The following MBP variants were observed in gnomAD, a reference collection of about 807,000 sequenced individuals.
The protein encoded by MBP is Golli-MBP.
MBP carries 16 observed loss-of-function variants against 35.8 expected under a neutral mutation model. The ratio of observed to expected loss-of-function variants is 0.45; its 90% CI spans 0.30 to 0.68. MBP has a LOEUF of 0.68. Ranked by LOEUF, MBP falls within the 30% of genes least tolerant of loss-of-function variation. The pLI, the probability that MBP is intolerant of heterozygous loss-of-function variation, is 0.08. For synonymous variants in MBP, 143 were observed against 159.6 expected, an observed-to-expected ratio of 0.90 and a Z score of 0.78; for missense variants, 380 against 404.7, an observed-to-expected ratio of 0.94 and a Z score of 0.52.
In MBP at chr18:77,020,710, C is replaced by T. The variant is rs1422200720; in HGVS notation, c.140-3442G>A. Among the ~76,000 whole-genome samples the T allele has an allele frequency of 2.6e-5, 4 of 152,200 alleles. No individual in the cohort carries two copies. Among genetic ancestry groups the T allele is most frequent in the Admixed American group, 6.5e-5 (1 of 15,278 alleles). On this transcript the variant is annotated intron_variant, in intron 3 of 8. Transcript: ENST00000355994. The surrounding 1 kb of genome is among the most constrained non-coding windows in gnomAD (Gnocchi z 4.1). The stretch of plus-strand genomic sequence containing the variant: ...AAGATTCCAGCCTTCAGAGGAAAGG[C>T]GCTGTTCTGCACAGACCATGTGGTG...
intron 1 of MBP, among the ~76,000 whole-genome samples, chr18:77,112,163 G>GCA (rs1315786375): frequency 8.2e-5 from 4 of 48,774 alleles, no homozygotes; most frequent in Non-Finnish European, 1.7e-4. Context: ...TGAACACCGT[G>GCA]CACACGCACA....
intron 3 of MBP, among the ~76,000 whole-genome samples, chr18:77,025,024 G>A (rs1972147891): frequency 6.6e-6 from 1 of 152,180 alleles, no homozygotes; most frequent in South Asian, 2.1e-4. Flanking sequence ...AGGTGCATGT[G>A]TGCATTCTCG....
chr18:77,022,346 C>T (rs1425702155), intron 3 of MBP, among the ~76,000 whole-genome samples: 1 of 152,212 alleles, frequency 6.6e-6, no homozygotes, highest in African/African-American at 2.4e-5. Context: ...AGGTCACCTG[C>T]TCCAGGACAA....
At chr18:77,129,868 AAAAAAC>A (rs1464032511) in intron 1 of MBP, among the ~76,000 whole-genome samples, 1 of 151,878 alleles carries the variant, frequency 6.6e-6, no homozygotes, top group Non-Finnish European at 1.5e-5. Flanking sequence ...CATCTTTACT[AAAAAAC>A]AAAAACAAAC....
At chr18:77,027,659 T>C (rs1315710373) in intron 3 of MBP, among the ~76,000 whole-genome samples, 1 of 152,234 alleles carries the variant, frequency 6.6e-6, no homozygotes, top group Non-Finnish European at 1.5e-5. Context: ...ATTTTCAACA[T>C]GACGTCCACC....
chr18:77,026,068 C>T (rs1972210339), intron 3 of MBP, among the ~76,000 whole-genome samples: 1 of 152,262 alleles, frequency 6.6e-6, no homozygotes, highest in Admixed American at 6.5e-5. Context: ...GAGCCTGTTG[C>T]TCTTCCTGTT....
rs72404294 is a variant in MBP at position 77,131,071 on chromosome 18, GCGCGCA to G, written c.-26+1503_-26+1508del. 6.2e-4 allele frequency among the ~76,000 whole-genome samples: 11 copies of G among 17,680 alleles called. No individual in the cohort carries two copies. Among genetic ancestry groups the G allele is most frequent in the Non-Finnish European group, 1.7e-3 (8 of 4,748 alleles). 11.6% of individuals were successfully genotyped at this position (17,680 alleles called of 152,430 possible). A position where few individuals can be genotyped will look rare whatever the true frequency, so the allele number is the denominator to read the frequency against. Reference sequence around the variant, plus strand: ...ACCTCAAAAAACAAAACACACACACGCGCGCACGCACGCGCACACACACACACACAC... The same window carrying G: ...ACCTCAAAAAACAAAACACACACACGCGCACGCGCACACACACACACACAC... On this transcript the variant is annotated intron_variant, in intron 1 of 8. Transcript: ENST00000355994. The surrounding 1 kb of genome is among the most constrained non-coding windows in gnomAD (Gnocchi z 5.5).
chr18:77,009,898 G>A (rs919350524), intron 4 of MBP: 3 of 1,595,866 alleles, frequency 1.9e-6, no homozygotes, highest in Non-Finnish European at 2.6e-6. Flanking sequence ...AGAGGGCAGA[G>A]GGCTCCGGCC....
At chr18:77,078,755 G>C (rs894629880) in intron 2 of MBP, among the ~76,000 whole-genome samples, 1 of 152,236 alleles carries the variant, frequency 6.6e-6, no homozygotes, top group Non-Finnish European at 1.5e-5. Flanking sequence ...CTGTGCTGGG[G>C]CTCTGCTCCT....
At chr18:77,053,355 C>T (rs999006686) in intron 3 of MBP, among the ~76,000 whole-genome samples, 3 of 152,256 alleles carry the variant, frequency 2.0e-5, no homozygotes, top group African/African-American at 4.8e-5. Context: ...GACTGAGCTC[C>T]GTCCTCAGCC....
At chr18:77,051,855 C>CT (rs1008904825) in intron 3 of MBP, among the ~76,000 whole-genome samples, 3 of 152,074 alleles carry the variant, frequency 2.0e-5, no homozygotes, top group African/African-American at 4.8e-5. Flanking sequence ...TTAATTTTCC[C>CT]TTTTTTTAAC....
intron 4 of MBP, among the ~76,000 whole-genome samples, chr18:76,995,385 T>C (rs1012514325): frequency 2.0e-5 from 3 of 152,114 alleles, no homozygotes; most frequent in African/African-American, 4.8e-5. Flanking sequence ...AGCCAAACAA[T>C]TGTGAAAAGG....
At chr18:77,013,631 T>C (rs1454935884) in intron 4 of MBP, 2 of 985,274 alleles carry the variant, frequency 2.0e-6, no homozygotes, top group East Asian at 1.1e-4. Context: ...GAATGCTGAA[T>C]AGAAGAACAC....
intron 2 of MBP, among the ~76,000 whole-genome samples, chr18:77,079,513 C>A (rs540780264): frequency 1.3e-5 from 2 of 152,080 alleles, no homozygotes; most frequent in Non-Finnish European, 2.9e-5. Context: ...AATGAGATTG[C>A]GCATATTTTC....
At chr18:77,100,789 G>A (rs948442108) in intron 2 of MBP, among the ~76,000 whole-genome samples, 6 of 152,064 alleles carry the variant, frequency 3.9e-5, no homozygotes, top group Non-Finnish European at 5.9e-5. Context: ...CTAGGCTCAA[G>A]CAATCTGCCT....
intron 3 of MBP, among the ~76,000 whole-genome samples, chr18:77,041,972 C>G (rs2144630565): frequency 6.6e-6 from 1 of 151,928 alleles, no homozygotes. Context: ...GCAGGAACCC[C>G]CAGGAGATTA....
At chr18:77,070,995 C>A (rs1185524309) in intron 2 of MBP, among the ~76,000 whole-genome samples, 3 of 152,202 alleles carry the variant, frequency 2.0e-5, no homozygotes, top group African/African-American at 7.2e-5. Context: ...ACATGGCACA[C>A]ACGCACACGC....
chr18:77,001,813 G>A (rs1970651020), intron 4 of MBP, among the ~76,000 whole-genome samples: 1 of 152,128 alleles, frequency 6.6e-6, no homozygotes, highest in Non-Finnish European at 1.5e-5. Context: ...TCAAGCCACT[G>A]CACTCCAGCC....
intron 2 of MBP, among the ~76,000 whole-genome samples, chr18:77,078,384 G>C (rs1313970117): frequency 6.6e-6 from 1 of 152,138 alleles, no homozygotes; most frequent in Non-Finnish European, 1.5e-5. Context: ...CAATTCCCAG[G>C]AATGAAGGAA....
Sources: gnomAD v4.1 joint callset for allele counts (sites outside exome capture counted in the v4.1 genomes callset) on GRCh38, gnomAD v4.1.1 for gene constraint, Gnocchi (gnomAD v3.1) non-coding constraint, MANE v1.5 for transcripts, NCBI Gene and HGNC (gene_info 2026-07-23, HGNC 2026-07-21) for gene names.